The following TPRG1 variants were observed in gnomAD, a reference collection of about 807,000 sequenced individuals.
TPRG1 encodes tumor protein p63 regulated 1.
A neutral mutation model predicts 29.3 loss-of-function variants in TPRG1; 29 were observed. That is an observed-to-expected ratio of 0.99 (90% CI 0.74 to 1.35). The LOEUF (loss-of-function observed/expected upper bound fraction) is 1.35. TPRG1 is among the 40% of genes most tolerant of loss of function. The probability of loss-of-function intolerance (pLI) is 0.00; values close to 1 mark genes in which losing one functional copy is unlikely to be tolerated. For synonymous variants in TPRG1, 130 were observed against 116.8 expected, an observed-to-expected ratio of 1.11 and a Z score of -0.73; for missense variants, 327 against 335.0, an observed-to-expected ratio of 0.98 and a Z score of 0.19.
chr3:189,171,212 A>G (rs1463622870), upstream of TPRG1, among the ~76,000 whole-genome samples: 2 of 152,232 alleles, frequency 1.3e-5, no homozygotes, highest in African/African-American at 4.8e-5. Flanking sequence ...GCTTCCTTTC[A>G]AGTTCTATCT....
chr3:189,235,985 T>G (rs1739401426), intron 3 of TPRG1, among the ~76,000 whole-genome samples: 1 of 152,190 alleles, frequency 6.6e-6, no homozygotes. Flanking sequence ...TTCCTATATT[T>G]GTTGTTATTG....
chr3:189,090,524 G>T (rs1718272233), intron 4 of TPRG1, among the ~76,000 whole-genome samples: 1 of 151,838 alleles, frequency 6.6e-6, no homozygotes, highest in African/African-American at 2.4e-5. Flanking sequence ...CATTGTTTTT[G>T]CTTTATCATA....
intron 4 of TPRG1, among the ~76,000 whole-genome samples, chr3:189,255,276 A>T (rs1043375189): frequency 6.6e-6 from 1 of 152,188 alleles, no homozygotes; most frequent in South Asian, 2.1e-4. Flanking sequence ...ATTTATTGAG[A>T]TAATCATGTG....
chr3:189,022,115 T>C (rs1021147577), intron 3 of TPRG1, among the ~76,000 whole-genome samples: 9 of 152,190 alleles, frequency 5.9e-5, no homozygotes, highest in Admixed American at 5.2e-4. Flanking sequence ...GTATTGGTTA[T>C]TCTAGTTATA....
chr3:189,316,036 C>T (rs768573341), intron 5 of TPRG1, among the ~76,000 whole-genome samples: 28 of 152,146 alleles, frequency 1.8e-4, no homozygotes, highest in Non-Finnish European at 2.6e-4. Context: ...TTAAAAGCTG[C>T]GAATTACAAA....
At chr3:189,147,248 AAG>A (rs1020369469) in intron 3 of TPRG1, among the ~76,000 whole-genome samples, 29 of 152,308 alleles carry the variant, frequency 1.9e-4, no homozygotes, top group South Asian at 1.0e-3. Context: ...GCTTAGTTAA[AAG>A]AAGCTGAGCT....
At chr3:189,158,225 C>T (rs73055424) in intron 5 of TPRG1, among the ~76,000 whole-genome samples, 1,535 of 152,300 alleles carry the variant, frequency 0.01, 28 homozygotes, top group African/African-American at 0.034. Context: ...TTACTTAGTG[C>T]ACCACACAGT....
intron 1 of TPRG1, among the ~76,000 whole-genome samples, chr3:189,000,403 A>T (rs1339462592): frequency 1.3e-5 from 2 of 152,078 alleles, no homozygotes; most frequent in South Asian, 4.1e-4. Flanking sequence ...TAAACCTAAT[A>T]TCTAGGTTTT....
At chr3:189,173,432 C>T (rs958412508) in intron 1 of TPRG1, among the ~76,000 whole-genome samples, 2 of 151,058 alleles carry the variant, frequency 1.3e-5, no homozygotes, top group Admixed American at 6.6e-5. Flanking sequence ...CTCCACCTCC[C>T]GGGTTCAAGC....
intron 1 of TPRG1, among the ~76,000 whole-genome samples, chr3:189,104,835 C>T (rs561790512): frequency 2.6e-5 from 4 of 152,234 alleles, no homozygotes; most frequent in Non-Finnish European, 5.9e-5. Context: ...TGCCCTGTTA[C>T]CTTCATCTGC....
chr3:189,219,401 G>T (rs747410515), intron 3 of TPRG1, among the ~76,000 whole-genome samples: 1 of 151,724 alleles, frequency 6.6e-6, no homozygotes, highest in South Asian at 2.1e-4. Context: ...ATGAATCTCC[G>T]ATTAGGATTC....
chr3:189,069,124 C>G (rs988164262), intron 4 of TPRG1, among the ~76,000 whole-genome samples: 2 of 152,060 alleles, frequency 1.3e-5, no homozygotes, highest in Admixed American at 1.3e-4. Flanking sequence ...GGGTGAATAG[C>G]TAAACAAATT....
intron 4 of TPRG1, among the ~76,000 whole-genome samples, chr3:189,270,017 A>ATCTTCT (rs72453037): frequency 0.021 from 3,062 of 148,786 alleles, 42 homozygotes; most frequent in Non-Finnish European, 0.027. Flanking sequence ...TCTTCTCTGG[A>ATCTTCT]TCTTCTTCTT....
At chr3:189,275,798 TTA>T (rs2109107199) in intron 4 of TPRG1, among the ~76,000 whole-genome samples, 1 of 152,266 alleles carries the variant, frequency 6.6e-6, no homozygotes, top group Admixed American at 6.5e-5. Flanking sequence ...CATCCAATTG[TTA>T]TTTCACACAC....
In TPRG1 at chr3:189,215,340, G is replaced by C; in HGVS notation, c.259G>C (p.Glu87Gln). The stretch of plus-strand genomic sequence containing the variant: ...GGAAGACTTGAAAGGTCACGTAGCT[G>C]AGACTTCTGGAGAGACCATTCAAGG... ...AMEDLKGHVA[E>Q]TSGETIQGFW... Residue 87 changes from glutamate to glutamine, a missense_variant, in exon 3 of 6, where the codon GAG (glutamate) becomes CAG (glutamine). Physicochemically the swap from Glu to Gln is conservative, Grantham distance 29 (BLOSUM62 2). Transcript: ENST00000345063. The C allele has an allele frequency of 6.2e-7, 1 of 1,611,902 alleles. No individual in the cohort carries two copies. The highest frequency in any genetic ancestry group is 8.5e-7 in the Non-Finnish European group (1 of 1,179,152).
At chr3:189,162,269 A>G (rs1174387454) in intron 5 of TPRG1, among the ~76,000 whole-genome samples, 1 of 152,168 alleles carries the variant, frequency 6.6e-6, no homozygotes, top group Non-Finnish European at 1.5e-5. Context: ...CTGGGATTAC[A>G]GGCATGAGCC....
rs558982041 is a variant in TPRG1, at chr3:189,073,135, T to C, written c.-463+49189T>C. 3.3e-5 allele frequency among the ~76,000 whole-genome samples: 5 copies of C among 152,340 alleles called. No individual in the cohort carries two copies. In the South Asian group the frequency reaches 1.0e-3, roughly 32 times the overall value. On this transcript the variant is annotated intron_variant, in intron 4 of 10. Coordinates refer to the TPRG1 transcript ENST00000433971. Reference sequence around the variant, plus strand: ...TGGGTACTAGATGTGTTCATTTCTATGTGAGTGCACTGTTTTAAGAGCTTT... The same window carrying C: ...TGGGTACTAGATGTGTTCATTTCTACGTGAGTGCACTGTTTTAAGAGCTTT...
chr3:189,140,827 A>C (rs903766842), intron 3 of TPRG1, among the ~76,000 whole-genome samples: 8 of 152,116 alleles, frequency 5.3e-5, no homozygotes, highest in Non-Finnish European at 1.0e-4. Context: ...GCAGTTTTGC[A>C]TCCCCTTCCT....
chr3:189,085,706 T>C (rs1717890447), intron 4 of TPRG1, among the ~76,000 whole-genome samples: 1 of 152,214 alleles, frequency 6.6e-6, no homozygotes, highest in African/African-American at 2.4e-5. Context: ...AGCAGCTTTA[T>C]AGTGGAAACA....
Sources: gnomAD v4.1 joint callset for allele counts (sites outside exome capture counted in the v4.1 genomes callset) on GRCh38, gnomAD v4.1.1 for gene constraint, MANE v1.5 for transcripts, NCBI Gene and HGNC (gene_info 2026-07-23, HGNC 2026-07-21) for gene names.